TMEM132D: variants seen among roughly 807,000 people sequenced by gnomAD.
The protein encoded by TMEM132D is mature OL transmembrane protein.
In TMEM132D, 21 loss-of-function variants were observed where a neutral mutation model predicts 62.3. That is an observed-to-expected ratio of 0.34 (90% CI 0.24 to 0.49). The LOEUF (loss-of-function observed/expected upper bound fraction) is 0.49, where lower values mean the gene tolerates loss of function less well. TMEM132D is among the 20% of genes least tolerant of loss of function. The pLI is 0.99. For missense variants in TMEM132D, 1,346 were observed against 1,402.8 expected, an observed-to-expected ratio of 0.96 and a Z score of 0.65; for synonymous variants, 621 against 575.6, an observed-to-expected ratio of 1.08 and a Z score of -1.13.
At chr12:129,490,294 G>C (rs1874727938) in intron 3 of TMEM132D, among the ~76,000 whole-genome samples, 1 of 151,898 alleles carries the variant, frequency 6.6e-6, no homozygotes, top group African/African-American at 2.4e-5. Context: ...AAACTATTCA[G>C]TTTAGATGTC....
chr12:129,791,326 C>G (rs1034520303), intron 1 of TMEM132D, among the ~76,000 whole-genome samples: 1 of 152,116 alleles, frequency 6.6e-6, no homozygotes, highest in Admixed American at 6.5e-5. Context: ...TGGAAATATA[C>G]CTGCAGCCTG....
intron 3 of TMEM132D, among the ~76,000 whole-genome samples, chr12:129,367,103 C>T (rs76806591): frequency 0.064 from 9,727 of 152,250 alleles, 362 homozygotes; most frequent in South Asian, 0.12. Context: ...GCCCATTTGA[C>T]GGATGCGACT....
intron 2 of TMEM132D, among the ~76,000 whole-genome samples, chr12:129,634,535 A>G (rs1392898223): frequency 6.6e-6 from 1 of 151,740 alleles, no homozygotes; most frequent in Non-Finnish European, 1.5e-5. Flanking sequence ...TTCTGAATTC[A>G]TTGAATTATT....
chr12:129,322,404 T>C (rs1868747957), intron 4 of TMEM132D, among the ~76,000 whole-genome samples: 1 of 152,236 alleles, frequency 6.6e-6, no homozygotes, highest in Non-Finnish European at 1.5e-5. Flanking sequence ...GATGGCCATT[T>C]CTCTTGATGG....
chr12:129,835,714 A>T (rs1398643780), intron 1 of TMEM132D, among the ~76,000 whole-genome samples: 1 of 152,218 alleles, frequency 6.6e-6, no homozygotes, highest in African/African-American at 2.4e-5. Flanking sequence ...CGGGGCAGGG[A>T]CATCTGTGGC....
At chr12:129,839,117 A>ATTTTTTTTTTT (rs71085578) in intron 1 of TMEM132D, among the ~76,000 whole-genome samples, 1,185 of 20,700 alleles carry the variant, frequency 0.057, 448 homozygotes, top group Admixed American at 0.087. Flanking sequence ...CGCCTGGCTA[A>ATTTTTTTTTTT]TTTTTTTTTT....
intron 3 of TMEM132D, among the ~76,000 whole-genome samples, chr12:129,418,918 C>T (rs10847868): frequency 0.11 from 17,355 of 151,972 alleles, 1,566 homozygotes; most frequent in East Asian, 0.45. Flanking sequence ...AGAGTCATGC[C>T]GAGTGACAAT....
chr12:129,337,449 AC>A (rs1259612657), intron 4 of TMEM132D, among the ~76,000 whole-genome samples, 184 bp downstream of exon 4: 1 of 143,314 alleles, frequency 7.0e-6, no homozygotes, highest in African/African-American at 2.9e-5. Context: ...ACGCACACAC[AC>A]ACACACACAC....
At chr12:129,199,277 T>G (rs1336750506) in intron 5 of TMEM132D, among the ~76,000 whole-genome samples, 1 of 152,134 alleles carries the variant, frequency 6.6e-6, no homozygotes, top group East Asian at 1.9e-4. Flanking sequence ...AATTTTTGTA[T>G]TTTTGGTAGA....
At chr12:129,327,201 C>T (rs1470445016) in intron 4 of TMEM132D, among the ~76,000 whole-genome samples, 1 of 152,100 alleles carries the variant, frequency 6.6e-6, no homozygotes, top group Non-Finnish European at 1.5e-5. Flanking sequence ...TGAATTCAAG[C>T]AGAAGCCAGT....
At chr12:129,327,887 C>T (rs1451556828) in intron 4 of TMEM132D, among the ~76,000 whole-genome samples, 1 of 152,198 alleles carries the variant, frequency 6.6e-6, no homozygotes, top group Non-Finnish European at 1.5e-5. Context: ...CTGCATGTGC[C>T]ATGCCTGATG....
At chr12:129,196,682 C>T (rs112143313) in intron 5 of TMEM132D, among the ~76,000 whole-genome samples, 23 of 152,194 alleles carry the variant, frequency 1.5e-4, no homozygotes, top group African/African-American at 5.5e-4. Flanking sequence ...CCATCTTTGA[C>T]CCATTTTCTC....
chr12:129,481,275 A>G (rs781448344), intron 3 of TMEM132D, among the ~76,000 whole-genome samples: 34 of 152,096 alleles, frequency 2.2e-4, no homozygotes, highest in Non-Finnish European at 4.1e-4. Context: ...AGTTGAGACC[A>G]AAGTGGGTAG....
chr12:129,737,157 T>C (rs1461399218), intron 1 of TMEM132D, among the ~76,000 whole-genome samples: 1 of 152,208 alleles, frequency 6.6e-6, no homozygotes, highest in Non-Finnish European at 1.5e-5. Context: ...CATCTTAGAC[T>C]GGAGAATTCT....
At chr12:129,329,842 C>T (rs1566035384) in intron 4 of TMEM132D, among the ~76,000 whole-genome samples, 1 of 152,088 alleles carries the variant, frequency 6.6e-6, no homozygotes, top group East Asian at 1.9e-4. Context: ...CAGGAGAATA[C>T]ATCCCAAAGA....
At chr12:129,351,408 A>G (rs542091585) in intron 3 of TMEM132D, among the ~76,000 whole-genome samples, 1 of 152,336 alleles carries the variant, frequency 6.6e-6, no homozygotes, top group South Asian at 2.1e-4. Context: ...GCAGCTTTCA[A>G]TAATACACGC....
At chr12:129,213,424 G>A (rs896645512) in intron 4 of TMEM132D, among the ~76,000 whole-genome samples, 6 of 152,162 alleles carry the variant, frequency 3.9e-5, no homozygotes, top group Non-Finnish European at 7.3e-5. Flanking sequence ...TGAGCCCAGC[G>A]AGGTCAAGGC....
At chr12:129,353,600 T>G (rs1170662916) in intron 3 of TMEM132D, among the ~76,000 whole-genome samples, 1 of 152,096 alleles carries the variant, frequency 6.6e-6, no homozygotes, top group African/African-American at 2.4e-5. Flanking sequence ...CAGGTTTTGC[T>G]TGGAGGACAA....
At chr12:129,745,538 C>T (rs1388528132) in intron 1 of TMEM132D, among the ~76,000 whole-genome samples, 1 of 152,174 alleles carries the variant, frequency 6.6e-6, no homozygotes, top group East Asian at 1.9e-4. Context: ...CAACCCCCCT[C>T]TATCTCTTAC....
Sources: allele counts gnomAD v4.1 joint callset (sites outside exome capture counted in the v4.1 genomes callset), GRCh38; gene constraint gnomAD v4.1.1; transcripts MANE v1.5; gene names NCBI Gene and HGNC (gene_info 2026-07-23, HGNC 2026-07-21).